The following SHB variants were observed in gnomAD, a reference collection of about 807,000 sequenced individuals.
SHB encodes the protein SH2 domain-containing adapter protein B.
SHB carries 20 observed loss-of-function variants against 52.3 expected under a neutral mutation model. The observed-to-expected ratio is 0.38, with a 90% CI of 0.27 to 0.56. The LOEUF is 0.56. Ranked by LOEUF, SHB falls within the 20% of genes least tolerant of loss-of-function variation. The probability of loss-of-function intolerance (pLI) is 0.71; values close to 1 mark genes in which losing one functional copy is unlikely to be tolerated. For missense variants in SHB, 825 were observed against 723.3 expected (o/e 1.14, Z -1.61); for synonymous variants, 397 against 316.5 (o/e 1.25, Z -2.70).
chr9:37,969,420 C>A (rs1414760061), intron 3 of SHB, among the ~76,000 whole-genome samples: 2 of 152,202 alleles, frequency 1.3e-5, no homozygotes, highest in Non-Finnish European at 2.9e-5. Flanking sequence ...AGAGAATGCA[C>A]ACAGAAAGTG....
chr9:38,016,118 T>C lies in SHB; in HGVS notation c.731A>G (p.Asp244Gly). ...GGCATCAAAGGGATCTGAGTAGTCA[T>C]CGGCTATGGTCACCTGCAGGGAGGA... ...AGKKDKVTIA[D>G]DYSDPFDAKN... The change falls in exon 2 of 6, where the codon GAT becomes GGT. Residue 244 changes from aspartate to glycine, a missense_variant. Asp to Gly is a moderately conservative substitution (Grantham distance 94, BLOSUM62 -1). Coordinates refer to ENST00000377707, the MANE Select transcript of SHB (RefSeq NM_003028.3). 2 of 1,614,188 alleles carry C rather than the reference T, an allele frequency of 1.2e-6. No individual in the cohort carries two copies. Among genetic ancestry groups the C allele is most frequent in the Non-Finnish European group, 1.7e-6 (2 of 1,180,010 alleles).
At chr9:37,973,798 G>A (rs1820620813) in intron 3 of SHB, among the ~76,000 whole-genome samples, 1 of 152,200 alleles carries the variant, frequency 6.6e-6, no homozygotes, top group Non-Finnish European at 1.5e-5. Flanking sequence ...TGCTCTGTGA[G>A]CGTGTGCACG....
chr9:38,031,247 G>A (rs576680689), intron 1 of SHB, among the ~76,000 whole-genome samples: 1 of 152,302 alleles, frequency 6.6e-6, no homozygotes, highest in South Asian at 2.1e-4. Flanking sequence ...CTTGAACCCG[G>A]GAGGCAGAGG....
At chr9:38,062,039 A>C (rs1223859540) in intron 1 of SHB, among the ~76,000 whole-genome samples, 1 of 152,242 alleles carries the variant, frequency 6.6e-6, no homozygotes, top group Admixed American at 6.5e-5. Flanking sequence ...TCTTCTAGGG[A>C]CACCAAAGCA....
At chr9:37,941,108 G>C (rs1832429395) in intron 5 of SHB, among the ~76,000 whole-genome samples, 1 of 152,174 alleles carries the variant, frequency 6.6e-6, no homozygotes, top group South Asian at 2.1e-4. Context: ...ATTCTTTCCA[G>C]CTGTAGCCAA....
rs1418516047 is a variant in SHB at position 38,049,324 on chromosome 9, C to A, written c.717+18605G>T. ...AGCCAATATCCTCACTGAAAACAGG[C>A]TCAGATGGGTGTGGTGGCTCATGCC... On this transcript the variant is annotated intron_variant, in intron 1 of 5. Transcript: ENST00000377707. Among the ~76,000 whole-genome samples the A allele has an allele frequency of 2.6e-5, 4 of 152,272 alleles. No homozygotes were observed. In the East Asian group the frequency reaches 7.8e-4, roughly 30 times the overall value.
chr9:37,959,961 T>C (rs1049533243), intron 3 of SHB, among the ~76,000 whole-genome samples: 1 of 152,170 alleles, frequency 6.6e-6, no homozygotes, highest in African/African-American at 2.4e-5. Context: ...TGAAGAAACT[T>C]AATGAACTGC....
intron 1 of SHB, among the ~76,000 whole-genome samples, chr9:38,018,773 C>G (rs1043777737): frequency 6.6e-6 from 1 of 152,194 alleles, no homozygotes; most frequent in African/African-American, 2.4e-5. Context: ...CTGTGAAGTA[C>G]CATGGGCCCC....
At chr9:37,955,803 T>C in intron 4 of SHB, 80 bp downstream of exon 4, 2 of 1,408,082 alleles carry the variant, frequency 1.4e-6, no homozygotes, top group South Asian at 2.6e-5. Flanking sequence ...TGTGGATTTT[T>C]AAAAGAAGAT....
intron 1 of SHB, among the ~76,000 whole-genome samples, chr9:38,029,647 C>T (rs984171583): frequency 3.3e-5 from 5 of 152,134 alleles, no homozygotes; most frequent in East Asian, 1.9e-4. Context: ...CACGCCACCA[C>T]GTCCAGCTAA....
chr9:38,056,061 T>C (rs970038019), intron 1 of SHB, among the ~76,000 whole-genome samples: 1 of 152,140 alleles, frequency 6.6e-6, no homozygotes, highest in African/African-American at 2.4e-5. Flanking sequence ...AAGTTGTCAT[T>C]TTATAAAGAC....
rs1235174180 is a variant in SHB, at chr9:37,956,042, C to T, written c.1067G>A (p.Gly356Asp). 2 of 1,563,094 alleles carry T rather than the reference C, an allele frequency of 1.3e-6. No individual in the cohort carries two copies. Among genetic ancestry groups the T allele is most frequent in the Middle Eastern group, 3.5e-4 (2 of 5,742 alleles). Residue 356 changes from glycine (G) to aspartate (D), a missense_variant, in exon 4 of 6, where the codon GGC (glycine) becomes GAC (aspartate). Physicochemically the swap from Gly to Asp is moderately conservative, Grantham distance 94 (BLOSUM62 -1). Transcript: ENST00000377707. The stretch of plus-strand genomic sequence containing the variant: ...GGGGGATGACTGCCGCTTCTCGTTG[C>T]CATTAAACTGTGCTGTGGGGAGAGA... ...TIPALAAQFNGNEKRQSSPSP... is the reference protein window; with the variant it reads ...TIPALAAQFNDNEKRQSSPSP...
chr9:38,061,127 T>G (rs1821886808), intron 1 of SHB, among the ~76,000 whole-genome samples: 1 of 150,854 alleles, frequency 6.6e-6, no homozygotes, highest in Non-Finnish European at 1.5e-5. Flanking sequence ...AGCCCAGGAG[T>G]TTGAGATCAG....
chr9:38,068,571 T>C lies in SHB; in HGVS notation c.75A>G (p.Pro25=), dbSNP rs1822010224. Residue 25 remains proline (P), a synonymous_variant, in exon 1 of 6, where the codon CCA becomes CCG. Transcript: ENST00000377707. ...CTCGGCGCCGCTGCTCGCGGTAGTC[T>C]GGCCGCGGCGGCTGCGGGGGGCTCT... ...KTKSPPQPPR[P]DYREQRRRGE... is the part of the protein sequence containing the mutation. The C allele has an allele frequency of 2.7e-6, 4 of 1,482,780 alleles. No homozygotes were observed. The highest frequency in any genetic ancestry group is 1.8e-6 in the Non-Finnish European group (2 of 1,127,698). The allele number at this position is 1,482,780 out of a possible 1,614,324, so 91.9% of individuals were successfully genotyped here. A position where few individuals can be genotyped will look rare whatever the true frequency, so the allele number is the denominator to read the frequency against.
At chr9:37,980,355 T>G (rs1820709746) in intron 2 of SHB, among the ~76,000 whole-genome samples, 1 of 152,268 alleles carries the variant, frequency 6.6e-6, no homozygotes, top group African/African-American at 2.4e-5. Context: ...ATAGATTCTA[T>G]CTCAAGAAAA....
chr9:38,066,837 A>G (rs929307003), intron 1 of SHB, among the ~76,000 whole-genome samples: 1 of 152,126 alleles, frequency 6.6e-6, no homozygotes, highest in African/African-American at 2.4e-5. Flanking sequence ...TCCTAAAAGG[A>G]ACTCAGACTC....
intron 2 of SHB, chr9:38,015,287 A>G: frequency 1.6e-6 from 1 of 613,428 alleles, no homozygotes; most frequent in Non-Finnish European, 2.9e-6. Context: ...CTACAAGATG[A>G]CTGATGTCTG....
chr9:38,003,240 T>C (rs929979555), intron 2 of SHB, among the ~76,000 whole-genome samples: 3 of 151,724 alleles, frequency 2.0e-5, no homozygotes. Flanking sequence ...CCCAGGTGGG[T>C]GCTTTTCACA....
rs114325719 is a variant in SHB, at chr9:38,027,383, C to T, written c.718-11252G>A. Among the ~76,000 whole-genome samples, 670 of 152,264 alleles carry T rather than the reference C, an allele frequency of 4.4e-3. 4 individuals are homozygous for T. Among genetic ancestry groups the T allele is most frequent in the African/African-American group, 0.016 (648 of 41,554 alleles). On this transcript the variant is annotated intron_variant, in intron 1 of 5. Transcript: ENST00000377707. ...GAACCAAGGGATACATAGTGCCTGT[C>T]ACATTATGCTGGCATAGGCAAGGGC... is the stretch of plus-strand genomic sequence containing the variant.
Sources: gnomAD v4.1 joint callset for allele counts (sites outside exome capture counted in the v4.1 genomes callset) on GRCh38, gnomAD v4.1.1 for gene constraint, MANE v1.5 for transcripts, NCBI Gene and HGNC (gene_info 2026-07-23, HGNC 2026-07-21) for gene names.